GLMN: variants seen among roughly 807,000 people sequenced by gnomAD.
GLMN encodes the protein glomulin, FKBP associated protein, also known as glomulin.
GLMN carries 75 observed loss-of-function variants against 87.8 expected under a neutral mutation model. That is an observed-to-expected ratio of 0.85 (90% CI 0.71 to 1.04). The LOEUF (loss-of-function observed/expected upper bound fraction) is 1.04, where lower values mean the gene tolerates loss of function less well. GLMN is among the 50% of genes least tolerant of loss of function. GLMN has a pLI of 0.00. For synonymous variants in GLMN, 206 were observed against 221.6 expected, an observed-to-expected ratio of 0.93 and a Z score of 0.63; for missense variants, 588 against 658.8, an observed-to-expected ratio of 0.89 and a Z score of 1.18.
At chr1:92,278,197 C>G (rs1264582304) in intron 7 of GLMN, among the ~76,000 whole-genome samples, 1 of 152,146 alleles carries the variant, frequency 6.6e-6, no homozygotes, top group Admixed American at 6.5e-5. Context: ...TTCTACATCA[C>G]CAGATTTCCT....
chr1:92,309,139 A>G, the GLMN span, among the ~76,000 whole-genome samples: 1 of 151,716 alleles, frequency 6.6e-6, no homozygotes, highest in African/African-American at 2.4e-5. Context: ...CTCACTAAAA[A>G]AGAAAGATGA....
intron 3 of GLMN, among the ~76,000 whole-genome samples, chr1:92,294,580 TA>T (rs1395374278): frequency 6.6e-6 from 1 of 152,254 alleles, no homozygotes; most frequent in African/African-American, 2.4e-5. Context: ...TTTTTATTTT[TA>T]TTTTTTTTCT....
chr1:92,349,055 C>T, the GLMN span, among the ~76,000 whole-genome samples: 1 of 152,206 alleles, frequency 6.6e-6, no homozygotes, highest in Non-Finnish European at 1.5e-5. Context: ...TTGCCACTAA[C>T]ATTGACTGTA....
chr1:92,322,994 TA>T, the GLMN span, among the ~76,000 whole-genome samples: 1 of 146,664 alleles, frequency 6.8e-6, no homozygotes, highest in Non-Finnish European at 1.5e-5. Flanking sequence ...TATATGTAAA[TA>T]TGTGTACATA....
chr1:92,252,541 A>AAAAC (rs1327703195), intron 16 of GLMN, among the ~76,000 whole-genome samples: 1 of 152,234 alleles, frequency 6.6e-6, no homozygotes, highest in East Asian at 1.9e-4. Context: ...TCAGGTAATA[A>AAAAC]AAACACATGC....
chr1:92,258,414 A>G (rs1654539270), intron 16 of GLMN, among the ~76,000 whole-genome samples: 1 of 152,214 alleles, frequency 6.6e-6, no homozygotes, highest in African/African-American at 2.4e-5. Context: ...TATATACCCA[A>G]AAGATTATAA....
chr1:92,359,539 C>T, the GLMN span, among the ~76,000 whole-genome samples: 2 of 152,110 alleles, frequency 1.3e-5, no homozygotes, highest in South Asian at 2.1e-4. Flanking sequence ...AGGCTGGTCC[C>T]GAACTTCTGA....
chr1:92,297,642 C>T, intron 2 of GLMN, 113 bp from the exon 3 acceptor site: 1 of 955,380 alleles, frequency 1.0e-6, no homozygotes, highest in East Asian at 2.6e-5. Context: ...TGTTTAAATT[C>T]TAGATAAATG....
the GLMN span, among the ~76,000 whole-genome samples, chr1:92,358,763 A>C: frequency 5.3e-5 from 8 of 152,080 alleles, no homozygotes; most frequent in East Asian, 1.5e-3. Flanking sequence ...TTAAAAAAAA[A>C]AATTGTAGAG....
the GLMN span, among the ~76,000 whole-genome samples, chr1:92,350,796 G>T: frequency 6.6e-6 from 1 of 152,134 alleles, no homozygotes; most frequent in African/African-American, 2.4e-5. Flanking sequence ...GCCAGGCATG[G>T]TGGGGCATGC....
At chr1:92,348,420 G>T in the GLMN span, among the ~76,000 whole-genome samples, 1 of 152,004 alleles carries the variant, frequency 6.6e-6, no homozygotes, top group African/African-American at 2.4e-5. Flanking sequence ...TGTTTCCTAG[G>T]TTTTTGCCTT....
At chr1:92,258,836 C>T (rs1166358400) in intron 16 of GLMN, among the ~76,000 whole-genome samples, 3 of 151,916 alleles carry the variant, frequency 2.0e-5, no homozygotes, top group Admixed American at 1.3e-4. Context: ...CACCATGGCA[C>T]GTGTATACCT....
In GLMN at chr1:92,246,518, GAA is replaced by G. The variant is rs778557197; in HGVS notation, c.*10_*11del. ...CTATATTTTATTAGTTTTTATTTAG[GAA>G]ATGGAACTTTCACTTTATCCCAATA... On this transcript the variant is annotated 3_prime_UTR_variant, in exon 19 of 19. Coordinates refer to ENST00000370360, the MANE Select transcript of GLMN (RefSeq NM_053274.3). The G allele has an allele frequency of 9.3e-7, 1 of 1,072,854 alleles. No individual in the cohort carries two copies. The highest frequency in any genetic ancestry group is 1.5e-6 in the Non-Finnish European group (1 of 687,074). The allele number at this position is 1,072,854 out of a possible 1,614,324, so 66.5% of individuals were successfully genotyped here. A position where few individuals can be genotyped will look rare whatever the true frequency, so the allele number is the denominator to read the frequency against.
At chr1:92,345,472 A>G in the GLMN span, among the ~76,000 whole-genome samples, 1 of 142,422 alleles carries the variant, frequency 7.0e-6, no homozygotes, top group Non-Finnish European at 1.5e-5. Context: ...AGGGAGGGAA[A>G]GAGGGGAGGG....
At chr1:92,331,168 G>A in the GLMN span, among the ~76,000 whole-genome samples, 1 of 152,050 alleles carries the variant, frequency 6.6e-6, no homozygotes, top group African/African-American at 2.4e-5. Context: ...ATGTCTTCCT[G>A]GTGAATTGAA....
At chr1:92,299,555 C>T (rs146530793), upstream of GLMN, among the ~76,000 whole-genome samples, 5 of 152,246 alleles carry the variant, frequency 3.3e-5, no homozygotes, top group East Asian at 5.8e-4. Context: ...CCTCTTCCCC[C>T]AGAGAGGACG....
chr1:92,329,505 T>C, the GLMN span, among the ~76,000 whole-genome samples: 5 of 152,220 alleles, frequency 3.3e-5, no homozygotes, highest in African/African-American at 9.6e-5. Context: ...GGCTGAGAAC[T>C]TGCCCCAGGC....
the GLMN span, among the ~76,000 whole-genome samples, chr1:92,367,766 A>C: frequency 6.6e-6 from 1 of 152,224 alleles, no homozygotes; most frequent in Non-Finnish European, 1.5e-5. Flanking sequence ...TTTTATTCAC[A>C]TAGACATTCT....
the GLMN span, among the ~76,000 whole-genome samples, chr1:92,304,903 A>AG: frequency 6.6e-6 from 1 of 152,096 alleles, no homozygotes; most frequent in Non-Finnish European, 1.5e-5. Flanking sequence ...TGGGAGGCCA[A>AG]GGGGGGCGGA....
Sources: gnomAD v4.1 joint callset for allele counts (sites outside exome capture counted in the v4.1 genomes callset) on GRCh38, gnomAD v4.1.1 for gene constraint, MANE v1.5 for transcripts, NCBI Gene and HGNC (gene_info 2026-07-23, HGNC 2026-07-21) for gene names.